RNLS: variants seen among roughly 807,000 people sequenced by gnomAD.
RNLS encodes the protein renalase, FAD dependent amine oxidase, also known as renalase.
Under a neutral mutation model 39.8 loss-of-function variants are expected in RNLS, and 39 were observed. That is an observed-to-expected ratio of 0.98 (90% CI 0.76 to 1.28). The LOEUF (loss-of-function observed/expected upper bound fraction) is 1.28. Ranked by LOEUF, RNLS falls within the 50% of genes most tolerant of loss-of-function variation. RNLS has a pLI of 0.00. For missense variants in RNLS, 410 were observed against 413.3 expected (o/e 0.99, Z 0.07); for synonymous variants, 147 against 150.7 (o/e 0.98, Z 0.18).
At chr10:88,250,044 CTGT>C in the RNLS span, among the ~76,000 whole-genome samples, 1 of 152,324 alleles carries the variant, frequency 6.6e-6, no homozygotes, top group South Asian at 2.1e-4. Context: ...TTCAGTTCAG[CTGT>C]TGTTTGCGCT....
At chr10:88,503,031 A>G (rs1270693941) in intron 4 of RNLS, among the ~76,000 whole-genome samples, 1 of 152,116 alleles carries the variant, frequency 6.6e-6, no homozygotes, top group African/African-American at 2.4e-5. Flanking sequence ...ATCCGTAGCC[A>G]ATCATTTTTT....
intron 4 of RNLS, among the ~76,000 whole-genome samples, chr10:88,463,915 T>C (rs1843067237): frequency 6.6e-6 from 1 of 152,008 alleles, no homozygotes. Context: ...AATTGCCATT[T>C]AGCAAGAGAA....
the RNLS span, among the ~76,000 whole-genome samples, chr10:88,201,847 C>T: frequency 1.3e-3 from 203 of 152,282 alleles, 2 homozygotes; most frequent in South Asian, 6.2e-4. Context: ...AGCTACTTGT[C>T]TTACAGCTAG....
At chr10:88,477,318 C>G (rs1843874616) in intron 4 of RNLS, among the ~76,000 whole-genome samples, 1 of 151,970 alleles carries the variant, frequency 6.6e-6, no homozygotes, top group Admixed American at 6.6e-5. Flanking sequence ...ATGGTATGAG[C>G]AAGATGATAA....
chr10:88,213,807 A>G, the RNLS span, among the ~76,000 whole-genome samples: 1 of 152,158 alleles, frequency 6.6e-6, no homozygotes. Context: ...CTGATCCTAG[A>G]CTTTTTCCCC....
intron 4 of RNLS, among the ~76,000 whole-genome samples, chr10:88,468,983 CAT>C (rs2133968598): frequency 6.6e-6 from 1 of 151,970 alleles, no homozygotes; most frequent in African/African-American, 2.4e-5. Context: ...TCTAAAAGCT[CAT>C]GTTTTTGAAG....
chr10:88,432,795 G>A (rs1855212860), intron 4 of RNLS, among the ~76,000 whole-genome samples: 1 of 152,016 alleles, frequency 6.6e-6, no homozygotes. Flanking sequence ...GAAACCTCAA[G>A]ATGAAATGAA....
chr10:88,237,031 A>G, the RNLS span, among the ~76,000 whole-genome samples: 5 of 152,202 alleles, frequency 3.3e-5, no homozygotes, highest in Non-Finnish European at 7.3e-5. Flanking sequence ...GTTGCCATTT[A>G]TGATAAAGTC....
the RNLS span, among the ~76,000 whole-genome samples, chr10:88,178,109 G>T: frequency 6.6e-6 from 1 of 152,150 alleles, no homozygotes. Context: ...TCTGCTGCGC[G>T]GGACTTCCTG....
rs1848768999 is a variant in RNLS, at chr10:88,554,751, C to T, written c.526+18152G>A. On this transcript the variant is annotated intron_variant, in intron 4 of 6. Coordinates refer to ENST00000331772, the MANE Select transcript of RNLS (RefSeq NM_001031709.3). ...TGAGGCCCATCCTCTGTCTCTTATT[C>T]AAGACCATGACTTCTGTAACTGTTC... Among the ~76,000 whole-genome samples, 3 of 152,104 alleles carry T rather than the reference C, an allele frequency of 2.0e-5. No individual in the cohort carries two copies. The South Asian group carries it at 6.2e-4, about 31-fold the overall frequency.
chr10:88,556,393 A>G (rs1331735454), intron 4 of RNLS, among the ~76,000 whole-genome samples: 1 of 152,204 alleles, frequency 6.6e-6, no homozygotes, highest in Non-Finnish European at 1.5e-5. Context: ...TGGTCTCTGC[A>G]TTGACAACAT....
At chr10:88,302,848 T>C (rs1844627466) in intron 6 of RNLS, among the ~76,000 whole-genome samples, 1 of 151,632 alleles carries the variant, frequency 6.6e-6, no homozygotes, top group Admixed American at 6.6e-5. Context: ...AAAATGAGGG[T>C]AATAGAAAAA....
chr10:88,262,243 A>G, the RNLS span, among the ~76,000 whole-genome samples: 1 of 152,250 alleles, frequency 6.6e-6, no homozygotes, highest in East Asian at 1.9e-4. Context: ...TGTCTTTAAC[A>G]ATGAGAGCAG....
chr10:88,403,630 T>C (rs1398110294), intron 4 of RNLS, among the ~76,000 whole-genome samples: 1 of 152,032 alleles, frequency 6.6e-6, no homozygotes. Context: ...ATTTATATAA[T>C]AAGCTTTAAA....
intron 5 of RNLS, among the ~76,000 whole-genome samples, chr10:88,354,762 G>C (rs1039483431): frequency 6.6e-6 from 1 of 152,168 alleles, no homozygotes; most frequent in Non-Finnish European, 1.5e-5. Context: ...ATGTTGGCCT[G>C]CTTTGCTAGG....
At chr10:88,279,052 T>C (rs1490591782) in intron 6 of RNLS, among the ~76,000 whole-genome samples, 1 of 152,144 alleles carries the variant, frequency 6.6e-6, no homozygotes, top group African/African-American at 2.4e-5. Flanking sequence ...GGGGTAAGTA[T>C]CACAAGAGTG....
At chr10:88,532,285 TTTAAG>T (rs1259475879) in intron 4 of RNLS, among the ~76,000 whole-genome samples, 1 of 152,090 alleles carries the variant, frequency 6.6e-6, no homozygotes, top group Non-Finnish European at 1.5e-5. Flanking sequence ...TTTTTATTAC[TTTAAG>T]TTATCACAGA....
the RNLS span, among the ~76,000 whole-genome samples, chr10:88,199,750 T>C: frequency 6.6e-6 from 1 of 152,158 alleles, no homozygotes; most frequent in Non-Finnish European, 1.5e-5. Flanking sequence ...GGAAAACATC[T>C]AGATGACCTA....
chr10:88,541,949 C>A (rs1564885064), intron 4 of RNLS, among the ~76,000 whole-genome samples: 1 of 152,090 alleles, frequency 6.6e-6, no homozygotes, highest in Non-Finnish European at 1.5e-5. Context: ...AAATGGAACC[C>A]TCCACAGCAC....
Sources: gnomAD v4.1 joint callset for allele counts (sites outside exome capture counted in the v4.1 genomes callset) on GRCh38, gnomAD v4.1.1 for gene constraint, MANE v1.5 for transcripts, NCBI Gene and HGNC (gene_info 2026-07-23, HGNC 2026-07-21) for gene names.